Variants in PITPNC1 observed in about 807,000 individuals in gnomAD.
PITPNC1 encodes the protein cytoplasmic phosphatidylinositol transfer protein 1.
A neutral mutation model predicts 44.7 loss-of-function variants in PITPNC1; 18 were observed. That is an observed-to-expected ratio of 0.40 (90% confidence interval 0.28 to 0.60). The LOEUF is 0.60. Ranked by LOEUF, PITPNC1 falls within the 20% of genes least tolerant of loss-of-function variation. The pLI is 0.39. For missense variants in PITPNC1, 290 were observed against 418.4 expected (o/e 0.69, Z 2.68); for synonymous variants, 141 against 149.6 (o/e 0.94, Z 0.42).
chr17:67,410,294 A>AT (rs2038475419), intron 1 of PITPNC1, among the ~76,000 whole-genome samples: 1 of 152,146 alleles, frequency 6.6e-6, no homozygotes. Context: ...GATTTATTTT[A>AT]TTTTTTCACA....
chr17:67,546,772 CTGCCGGGGAGGCCCCGGCA>C (rs2040690541), intron 2 of PITPNC1, among the ~76,000 whole-genome samples: 2 of 152,170 alleles, frequency 1.3e-5, no homozygotes, highest in Admixed American at 1.3e-4. Context: ...TGGCCAGTCC[CTGCCGGGGAGGCCCCGGCA>C]GCCTTGCCTC....
chr17:67,577,459 G>T (rs1398491687), intron 4 of PITPNC1, among the ~76,000 whole-genome samples: 1 of 151,754 alleles, frequency 6.6e-6, no homozygotes, highest in African/African-American at 2.4e-5. Flanking sequence ...TACACGGAAG[G>T]CTAAGGCATG....
intron 6 of PITPNC1, among the ~76,000 whole-genome samples, chr17:67,648,395 C>G (rs2042174639): frequency 6.6e-6 from 1 of 152,210 alleles, no homozygotes; most frequent in South Asian, 2.1e-4. Flanking sequence ...GCAAACCGAG[C>G]CAGGTTCTAA....
At chr17:67,686,041 G>A (rs1422003859) in intron 8 of PITPNC1, among the ~76,000 whole-genome samples, 1 of 151,726 alleles carries the variant, frequency 6.6e-6, no homozygotes, top group African/African-American at 2.4e-5. Context: ...ATGTTGTCCA[G>A]GCTGGTCTTG....
intron 4 of PITPNC1, among the ~76,000 whole-genome samples, chr17:67,570,080 G>T (rs954301477): frequency 1.3e-5 from 2 of 152,078 alleles, no homozygotes; most frequent in Non-Finnish European, 2.9e-5. Flanking sequence ...TGGCCTCAAG[G>T]GTTCCCAACT....
chr17:67,526,732 C>CAA (rs34938426), intron 1 of PITPNC1, among the ~76,000 whole-genome samples: 1 of 117,850 alleles, frequency 8.5e-6, no homozygotes, highest in Non-Finnish European at 1.8e-5. Context: ...GACTCCATCT[C>CAA]AAAAAAAAAA....
chr17:67,594,869 T>C (rs1294674769), intron 5 of PITPNC1, among the ~76,000 whole-genome samples: 3 of 152,216 alleles, frequency 2.0e-5, no homozygotes, highest in Non-Finnish European at 4.4e-5. Context: ...CATAGGGTAC[T>C]TGTGAGGATT....
At chr17:67,398,749 G>A (rs890502132) in intron 1 of PITPNC1, among the ~76,000 whole-genome samples, 4 of 152,014 alleles carry the variant, frequency 2.6e-5, no homozygotes, top group Non-Finnish European at 1.5e-5. Context: ...CAACCACTGA[G>A]CTGATCATCA....
At chr17:67,523,058 CT>C (rs1473439254) in intron 1 of PITPNC1, among the ~76,000 whole-genome samples, 7 of 152,092 alleles carry the variant, frequency 4.6e-5, no homozygotes, top group African/African-American at 1.4e-4. Context: ...CCTCCAGAAG[CT>C]TTTTTACCAT....
chr17:67,508,472 T>C lies in PITPNC1; in HGVS notation c.49-24330T>C, dbSNP rs1175186300. Among the ~76,000 whole-genome samples, 1 of 152,070 alleles carries C rather than the reference T, an allele frequency of 6.6e-6. No homozygotes were observed. Among genetic ancestry groups the C allele is most frequent in the Non-Finnish European group, 1.5e-5 (1 of 68,014 alleles). On this transcript the variant is annotated intron_variant, in intron 1 of 8. Transcript: ENST00000581322. The surrounding 1 kb of genome is among the most constrained non-coding windows in gnomAD (Gnocchi z 4.2). ...GTGTAGCAGTGAGGACGACCAGAGGTCACTCCTGTCGCCATCTTGGTTTTG... is the reference window on the plus strand; with the variant it reads ...GTGTAGCAGTGAGGACGACCAGAGGCCACTCCTGTCGCCATCTTGGTTTTG...
intron 1 of PITPNC1, among the ~76,000 whole-genome samples, chr17:67,529,388 G>A (rs1456161992): frequency 2.0e-5 from 3 of 152,170 alleles, no homozygotes; most frequent in Non-Finnish European, 4.4e-5. Context: ...GCCCCTTACC[G>A]AGGTCCTGGG....
At chr17:67,533,948 G>A (rs2040495850) in intron 2 of PITPNC1, among the ~76,000 whole-genome samples, 1 of 151,892 alleles carries the variant, frequency 6.6e-6, no homozygotes, top group African/African-American at 2.4e-5. Context: ...AGACGGGAGT[G>A]TAATGGCATG....
chr17:67,422,149 G>A (rs922460122), intron 1 of PITPNC1, among the ~76,000 whole-genome samples: 1 of 152,138 alleles, frequency 6.6e-6, no homozygotes, highest in Admixed American at 6.5e-5. Flanking sequence ...GCCAACATAC[G>A]CTTCCAATGA....
chr17:67,459,107 CTTTTTCTTTTTTTTTT>C (rs1453486369), intron 1 of PITPNC1, among the ~76,000 whole-genome samples: 1 of 126,840 alleles, frequency 7.9e-6, no homozygotes, highest in Non-Finnish European at 1.7e-5. Flanking sequence ...TTTTTTTTTT[CTTTTTCTTTTTTTTTT>C]TTTTTTTTTT....
intron 1 of PITPNC1, among the ~76,000 whole-genome samples, chr17:67,475,721 AG>A (rs1310609964): frequency 7.9e-5 from 12 of 152,208 alleles, no homozygotes; most frequent in Non-Finnish European, 1.5e-4. Context: ...GAGGACTGGA[AG>A]GGGAGGGAAT....
intron 5 of PITPNC1, among the ~76,000 whole-genome samples, chr17:67,592,143 T>G (rs1053589710): frequency 6.6e-6 from 1 of 152,194 alleles, no homozygotes; most frequent in African/African-American, 2.4e-5. Context: ...CAAATTATCT[T>G]AAATAGAATA....
intron 4 of PITPNC1, among the ~76,000 whole-genome samples, chr17:67,576,303 G>A (rs1020937787): frequency 3.3e-4 from 50 of 152,124 alleles, no homozygotes; most frequent in African/African-American, 1.2e-3. Flanking sequence ...GAGACTGTAG[G>A]CCATTTACTT....
intron 1 of PITPNC1, among the ~76,000 whole-genome samples, chr17:67,410,459 C>T (rs1244042627): frequency 6.6e-6 from 1 of 152,168 alleles, no homozygotes; most frequent in African/African-American, 2.4e-5. Context: ...TCACAGCTCA[C>T]TGCAGCTGCG....
intron 1 of PITPNC1, among the ~76,000 whole-genome samples, chr17:67,464,182 G>C (rs1221605149): frequency 1.3e-5 from 2 of 148,546 alleles, no homozygotes; most frequent in East Asian, 3.9e-4. Context: ...GACAGAACGA[G>C]ACTCCATCTC....
Sources: gnomAD v4.1 joint callset for allele counts (sites outside exome capture counted in the v4.1 genomes callset) on GRCh38, gnomAD v4.1.1 for gene constraint, Gnocchi (gnomAD v3.1) non-coding constraint, MANE v1.5 for transcripts, NCBI Gene and HGNC (gene_info 2026-07-23, HGNC 2026-07-21) for gene names.